The following MAK variants were observed in gnomAD, a reference collection of about 807,000 sequenced individuals.
MAK encodes male germ cell associated kinase.
In MAK, 65 loss-of-function variants were observed where a neutral mutation model predicts 82.6. The ratio of observed to expected loss-of-function variants is 0.79; its 90% confidence interval spans 0.64 to 0.97. The LOEUF (loss-of-function observed/expected upper bound fraction) is 0.97, where lower values mean the gene tolerates loss of function less well. MAK is among the 50% of genes least tolerant of loss of function. The pLI is 0.00. For synonymous variants in MAK, 250 were observed against 274.2 expected (o/e 0.91, Z 0.87); for missense variants, 703 against 780.2 (o/e 0.90, Z 1.18).
intron 10 of MAK, among the ~76,000 whole-genome samples, chr6:10,787,099 A>G (rs556812592): frequency 8.9e-5 from 13 of 146,240 alleles, no homozygotes; most frequent in Admixed American, 2.7e-4. Flanking sequence ...TTCACCTCCT[A>G]TTCACCACTC....
intron 4 of MAK, among the ~76,000 whole-genome samples, chr6:10,816,138 T>C (rs973481108): frequency 6.6e-5 from 10 of 151,548 alleles, no homozygotes; most frequent in African/African-American, 2.4e-4. Context: ...CCCGAGTGGC[T>C]GGGATTATGG....
At chr6:10,819,004 G>T (rs1357556611) in intron 2 of MAK, 64 bp from the exon 3 acceptor site, 2 of 895,706 alleles carry the variant, frequency 2.2e-6, no homozygotes, top group African/African-American at 1.6e-5. Context: ...ACATTACACT[G>T]TTGGCTTTCT....
intron 4 of MAK, among the ~76,000 whole-genome samples, chr6:10,814,625 G>A (rs1034586199): frequency 6.6e-6 from 1 of 151,588 alleles, no homozygotes; most frequent in African/African-American, 2.4e-5. Flanking sequence ...CTGTGACTGT[G>A]CCACTCCACT....
At chr6:10,834,917 C>T (rs369312268) in intron 1 of MAK, among the ~76,000 whole-genome samples, 1 of 152,238 alleles carries the variant, frequency 6.6e-6, no homozygotes, top group East Asian at 1.9e-4. Flanking sequence ...GCTAGGGGAC[C>T]GGGCAGCACA....
At chr6:10,833,618 T>G (rs1469286067) in intron 1 of MAK, among the ~76,000 whole-genome samples, 4 of 150,728 alleles carry the variant, frequency 2.7e-5, no homozygotes, top group Non-Finnish European at 3.0e-5. Context: ...ATAATAATAA[T>G]AATAATAATA....
intron 1 of MAK, among the ~76,000 whole-genome samples, chr6:10,836,506 A>G (rs1408421644): frequency 2.6e-5 from 4 of 152,212 alleles, no homozygotes; most frequent in Non-Finnish European, 4.4e-5. Flanking sequence ...ATAGCACATA[A>G]GCAACTACTT....
At chr6:10,770,744 G>T (rs1047214234) in intron 13 of MAK, among the ~76,000 whole-genome samples, 1 of 152,252 alleles carries the variant, frequency 6.6e-6, no homozygotes, top group Non-Finnish European at 1.5e-5. Context: ...TAGCATAATT[G>T]CCATCATTAT....
At chr6:10,802,664 T>A (rs1776110710) in intron 7 of MAK, 1 of 152,490 alleles carries the variant, frequency 6.6e-6, no homozygotes, top group African/African-American at 2.4e-5. Context: ...GTTGCTGTGA[T>A]GATACCTGGG....
Position 10,763,852 on chromosome 6 carries a change from A to G in MAK, c.*600T>C, listed in dbSNP as rs1462861580. 3 of 149,696 alleles carry G rather than the reference A, an allele frequency of 2.0e-5. No homozygotes were observed. The highest frequency in any genetic ancestry group is 4.9e-5 in the African/African-American group (2 of 40,616). The allele number at this position is 149,696 out of a possible 1,614,324, so 9.3% of individuals were successfully genotyped here. A position where few individuals can be genotyped will look rare whatever the true frequency, so the allele number is the denominator to read the frequency against. ...GACACAAGAGTGAAACATCGCCTCA[A>G]AAAAAAAAAAAAAGATATCCTGCTC... On this transcript the variant is annotated 3_prime_UTR_variant, in exon 15 of 15. Coordinates refer to ENST00000354489, the MANE Select transcript of MAK (RefSeq NM_001242957.3).
At chr6:10,802,770 A>T (rs1341415613) in intron 7 of MAK, among the ~76,000 whole-genome samples, 2 of 152,212 alleles carry the variant, frequency 1.3e-5, no homozygotes, top group East Asian at 3.8e-4. Flanking sequence ...ACAATGTTAA[A>T]AATGCACATA....
chr6:10,770,316 T>C, intron 13 of MAK, 86 bp from the exon 14 acceptor site: 1 of 1,457,040 alleles, frequency 6.9e-7, no homozygotes, highest in Admixed American at 1.7e-5. Flanking sequence ...CCATTACTTC[T>C]AAATACTATT....
rs1272951598 is a variant in MAK, at chr6:10,800,876, G to T, written c.831+1016C>A. On this transcript the variant is annotated intron_variant, in intron 8 of 14. Transcript: ENST00000354489. This position sits in a 1 kb window ranked among gnomAD's most constrained non-coding sequence, Gnocchi z 4.2. The stretch of plus-strand genomic sequence containing the variant: ...ACAAAATGTAACCCTTCTGTGAGTT[G>T]TAAAGTATGGTGAGCAGTAAGGACC... Among the ~76,000 whole-genome samples, 1 of 152,142 alleles carries T rather than the reference G, an allele frequency of 6.6e-6. No homozygotes were observed. The highest frequency in any genetic ancestry group is 6.5e-5 in the Admixed American group (1 of 15,280).
intron 9 of MAK, among the ~76,000 whole-genome samples, chr6:10,794,663 T>A (rs1775363240): frequency 1.3e-5 from 2 of 152,120 alleles, no homozygotes; most frequent in African/African-American, 4.8e-5. Context: ...GAACAAAAGA[T>A]GGAAGAAAAA....
In MAK at chr6:10,800,593, A is replaced by C. The variant is rs910728355; in HGVS notation, c.831+1299T>G. On this transcript the variant is annotated intron_variant, in intron 8 of 14. Transcript: ENST00000354489. This position sits in a 1 kb window ranked among gnomAD's most constrained non-coding sequence, Gnocchi z 4.2. Reference sequence around the variant, plus strand: ...GGTGGCTCACACCTGTAATCCCAGCACTTTGGGAGGCCAAGGAGGGCAGAT... The same window carrying C: ...GGTGGCTCACACCTGTAATCCCAGCCCTTTGGGAGGCCAAGGAGGGCAGAT... Among the ~76,000 whole-genome samples, 2 of 151,958 alleles carry C rather than the reference A, an allele frequency of 1.3e-5. No individual in the cohort carries two copies. The highest frequency in any genetic ancestry group is 4.8e-5 in the African/African-American group (2 of 41,358).
At position 10,803,846 on chromosome 6, in the gene MAK, A is replaced by G. The variant is rs1333532983; in HGVS notation, c.537T>C (p.Ser179=). The stretch of plus-strand genomic sequence containing the variant: ...TTCCAACAGCCCACACATCAATGGG[A>G]GAACTATAAACTGAAGATCTCAGTA... ...EVLLRSSVYS[S]PIDVWAVGSI... Residue 179 remains serine, a synonymous_variant, in exon 7 of 15, where the codon TCT becomes TCC. Transcript: ENST00000354489. 6.2e-7 allele frequency: 1 copy of G among 1,614,132 alleles called. No individual in the cohort carries two copies. Among genetic ancestry groups the G allele is most frequent in the Non-Finnish European group, 8.5e-7 (1 of 1,179,986 alleles).
intron 1 of MAK, among the ~76,000 whole-genome samples, chr6:10,835,127 T>C (rs1370368067): frequency 6.6e-6 from 1 of 152,364 alleles, no homozygotes; most frequent in East Asian, 1.9e-4. Flanking sequence ...AACTAACTTA[T>C]CTAGATTAGT....
intron 2 of MAK, among the ~76,000 whole-genome samples, chr6:10,825,471 A>G (rs1778294812): frequency 6.6e-6 from 1 of 151,882 alleles, no homozygotes; most frequent in African/African-American, 2.4e-5. Context: ...TCGGTGCCCT[A>G]AATGAGGACC....
intron 10 of MAK, among the ~76,000 whole-genome samples, chr6:10,785,362 T>G (rs1267322263): frequency 6.6e-6 from 1 of 152,198 alleles, no homozygotes; most frequent in Admixed American, 6.5e-5. Context: ...ACGACCAACC[T>G]TCTCCCCACC....
intron 10 of MAK, 76 bp from the exon 11 acceptor site, chr6:10,784,648 A>C: frequency 7.3e-7 from 1 of 1,378,226 alleles, no homozygotes; most frequent in Admixed American, 1.7e-5. Context: ...CATCTCGCCC[A>C]CCCTCTGCAC....
Sources: gnomAD v4.1 joint callset for allele counts (sites outside exome capture counted in the v4.1 genomes callset) on GRCh38, gnomAD v4.1.1 for gene constraint, Gnocchi (gnomAD v3.1) non-coding constraint, MANE v1.5 for transcripts, NCBI Gene and HGNC (gene_info 2026-07-23, HGNC 2026-07-21) for gene names.